The following KIF20B variants were observed in gnomAD, a reference collection of about 807,000 sequenced individuals.
KIF20B encodes kinesin family member 20B, also known as kinesin-like protein KIF20B.
In KIF20B, 188 loss-of-function variants were observed where a neutral mutation model predicts 232.5. The ratio of observed to expected loss-of-function variants is 0.81; its 90% confidence interval spans 0.72 to 0.91. KIF20B has a LOEUF of 0.91. KIF20B is among the 40% of genes least tolerant of loss of function. The probability of loss-of-function intolerance (pLI) is 0.00; values close to 1 mark genes in which losing one functional copy is unlikely to be tolerated. For synonymous variants in KIF20B, 712 were observed against 683.0 expected (o/e 1.04, Z -0.66); for missense variants, 2,154 against 2,055.9 (o/e 1.05, Z -0.92).
intron 6 of KIF20B, among the ~76,000 whole-genome samples, chr10:89,713,764 A>G (rs917896520): frequency 1.3e-5 from 2 of 152,236 alleles, no homozygotes; most frequent in Non-Finnish European, 2.9e-5. Flanking sequence ...GAAAAAGCTT[A>G]CAACATAAGT....
At chr10:89,770,308 C>A (rs1842438269) in intron 31 of KIF20B, among the ~76,000 whole-genome samples, 1 of 151,858 alleles carries the variant, frequency 6.6e-6, no homozygotes, top group African/African-American at 2.4e-5. Context: ...ACCTATCAGA[C>A]CCATTTGTAT....
At chr10:89,718,552 A>T (rs181745331) in intron 11 of KIF20B, among the ~76,000 whole-genome samples, 158 bp from the exon 12 acceptor site, 2 of 152,196 alleles carry the variant, frequency 1.3e-5, no homozygotes, top group Non-Finnish European at 2.9e-5. Flanking sequence ...AAAGATAAAA[A>T]GAAAACTGAG....
intron 23 of KIF20B, among the ~76,000 whole-genome samples, chr10:89,749,214 T>C (rs1841978120): frequency 6.6e-6 from 1 of 152,144 alleles, no homozygotes; most frequent in Non-Finnish European, 1.5e-5. Flanking sequence ...GAGAAAATGC[T>C]CTTGTGATTT....
intron 15 of KIF20B, 54 bp from the exon 16 acceptor site, chr10:89,726,239 G>A (rs1425901250): frequency 2.7e-6 from 4 of 1,457,578 alleles, no homozygotes. Flanking sequence ...GGTACCACAT[G>A]TAAAGGGTGA....
intron 23 of KIF20B, among the ~76,000 whole-genome samples, chr10:89,747,987 TTTG>T (rs1841952242): frequency 6.6e-6 from 1 of 152,356 alleles, no homozygotes; most frequent in South Asian, 2.1e-4. Context: ...ATTGTATTGA[TTTG>T]TTGTTTGAAA....
rs1343659648 is a variant in KIF20B at position 89,764,171 on chromosome 10, T to A, written c.4989+1336T>A. Among the ~76,000 whole-genome samples the A allele has an allele frequency of 3.3e-5, 5 of 151,608 alleles. No individual in the cohort carries two copies. The East Asian group carries it at 9.8e-4, about 30-fold the overall frequency. ...GTTTGGTTTTTTGTCCTTGTGATAG[T>A]TTACTGAGAATGATGATTTCCAATT... is the stretch of plus-strand genomic sequence containing the variant. On this transcript the variant is annotated intron_variant, in intron 29 of 32. Coordinates refer to ENST00000371728, the MANE Select transcript of KIF20B (RefSeq NM_001284259.2).
intron 13 of KIF20B, among the ~76,000 whole-genome samples, chr10:89,722,305 T>A (rs1843077443): frequency 6.6e-6 from 1 of 152,222 alleles, no homozygotes; most frequent in Non-Finnish European, 1.5e-5. Context: ...TTAGCTGTAA[T>A]AGCCAGCCTA....
In KIF20B at chr10:89,751,382, G is replaced by A. The variant is rs750403068; in HGVS notation, c.4133G>A (p.Arg1378Gln). 19 of 1,606,078 alleles carry A rather than the reference G, an allele frequency of 1.2e-5. No individual in the cohort carries two copies. The highest frequency in any genetic ancestry group is 7.9e-5 in the South Asian group (7 of 88,838). ...NVKEKIIEDM[R>Q]MTLEEQEQTQ... The stretch of plus-strand genomic sequence containing the variant: ...AAAGAGAAAATAATTGAAGACATGC[G>A]AATGACACTAGAAGAACAGGAACAA... Residue 1378 changes from arginine (R) to glutamine (Q), a missense_variant, in exon 24 of 33, where the codon CGA (arginine) becomes CAA (glutamine). Coordinates refer to ENST00000371728, the MANE Select transcript of KIF20B (RefSeq NM_001284259.2).
intron 19 of KIF20B, among the ~76,000 whole-genome samples, chr10:89,734,153 T>TA (rs1371042354): frequency 6.6e-6 from 1 of 152,152 alleles, no homozygotes; most frequent in Non-Finnish European, 1.5e-5. Context: ...CTCATGCCTG[T>TA]AATCCTAGCA....
chr10:89,743,229 C>G (rs1841844132), intron 21 of KIF20B, among the ~76,000 whole-genome samples: 1 of 152,068 alleles, frequency 6.6e-6, no homozygotes, highest in South Asian at 2.1e-4. Flanking sequence ...CCTATATTAG[C>G]TTTTTTGGGT....
At chr10:89,715,759 G>A (rs995308133) in intron 8 of KIF20B, among the ~76,000 whole-genome samples, 3 of 152,128 alleles carry the variant, frequency 2.0e-5, no homozygotes, top group Non-Finnish European at 4.4e-5. Context: ...GGGAGGCTGA[G>A]GCAGGTGGAT....
At chr10:89,743,996 A>G (rs1841860160) in intron 22 of KIF20B, 69 bp downstream of exon 22, 7 of 1,339,628 alleles carry the variant, frequency 5.2e-6, no homozygotes, top group Non-Finnish European at 7.0e-6. Flanking sequence ...ACAAAAAGGT[A>G]CAAATTTGTT....
intron 26 of KIF20B, 134 bp downstream of exon 26, chr10:89,754,807 A>C (rs891055261): frequency 3.6e-6 from 2 of 554,128 alleles, no homozygotes; most frequent in Non-Finnish European, 6.0e-6. Flanking sequence ...TTTATAAGAT[A>C]ACTTCTGAGC....
rs552153083 is a variant in KIF20B, at chr10:89,704,003, G to A, written c.-1-1291G>A. On this transcript the variant is annotated intron_variant, in intron 1 of 32. Transcript: ENST00000371728. ...CCTGACCTCGTGATCCACCCACCTC[G>A]GCCTCCCAAAGTGCTGGGATTACAG... Among the ~76,000 whole-genome samples the A allele has an allele frequency of 4.6e-5, 7 of 152,184 alleles. No individual in the cohort carries two copies. The East Asian group carries it at 1.2e-3, about 25-fold the overall frequency.
At chr10:89,706,644 T>A (rs961326883) in intron 2 of KIF20B, among the ~76,000 whole-genome samples, 2 of 147,516 alleles carry the variant, frequency 1.4e-5, no homozygotes, top group East Asian at 2.0e-4. Flanking sequence ...TTTTTTTTTT[T>A]AACTACATAA....
intron 19 of KIF20B, among the ~76,000 whole-genome samples, chr10:89,733,541 A>T (rs999993657): frequency 2.6e-5 from 4 of 152,178 alleles, no homozygotes; most frequent in South Asian, 2.1e-4. Context: ...ATTATTTTTT[A>T]AAAAATCTTT....
At chr10:89,770,589 T>C (rs941091184) in intron 31 of KIF20B, among the ~76,000 whole-genome samples, 2 of 152,044 alleles carry the variant, frequency 1.3e-5, no homozygotes, top group African/African-American at 4.8e-5. Context: ...TCCCTACCAA[T>C]GCACTTGACA....
rs539835438 is a variant in KIF20B, at chr10:89,714,170, G to A, written c.712+87G>A. The A allele has an allele frequency of 1.2e-5, 9 of 754,760 alleles. No homozygotes were observed. The East Asian group carries it at 2.7e-4, about 22-fold the overall frequency. The allele number at this position is 754,760 out of a possible 1,614,324, so 46.8% of individuals were successfully genotyped here. ...TTTTAATTTTTAAATCACTTCTAAT[G>A]TTTTATTTTTATTATTAAAAAATTT... On this transcript the variant is annotated intron_variant, in intron 7 of 32. Transcript: ENST00000371728.
intron 6 of KIF20B, 140 bp from the exon 7 acceptor site, chr10:89,713,907 A>G: frequency 2.7e-6 from 1 of 374,514 alleles, no homozygotes. Flanking sequence ...TTTAACTAGG[A>G]AAAATTAAAG....
Sources: allele counts gnomAD v4.1 joint callset (sites outside exome capture counted in the v4.1 genomes callset), GRCh38; gene constraint gnomAD v4.1.1; transcripts MANE v1.5; gene names NCBI Gene and HGNC (gene_info 2026-07-23, HGNC 2026-07-21).